The following NPHS1 variants were observed in gnomAD, a reference collection of about 807,000 sequenced individuals.
The protein encoded by NPHS1 is NPHS1 adhesion molecule, nephrin, also known as nephrin.
NPHS1 carries 107 observed loss-of-function variants against 139.7 expected under a neutral mutation model. The ratio of observed to expected loss-of-function variants is 0.77; its 90% CI spans 0.66 to 0.90. The LOEUF (loss-of-function observed/expected upper bound fraction) is 0.90. Ranked by LOEUF, NPHS1 falls within the 40% of genes least tolerant of loss-of-function variation. NPHS1 has a pLI of 0.00. For synonymous variants in NPHS1, 707 were observed against 706.6 expected (o/e 1.00, Z -0.01); for missense variants, 1,580 against 1,654.2 (o/e 0.96, Z 0.78).
chr19:35,827,314 T>C (rs1029947127), intron 28 of NPHS1, among the ~76,000 whole-genome samples: 3 of 151,876 alleles, frequency 2.0e-5, no homozygotes, highest in Non-Finnish European at 2.9e-5. Context: ...TTTAAAGAAA[T>C]TAGCTAGGTG....
chr19:35,846,102 T>C lies in NPHS1; in HGVS notation c.1533A>G (p.Arg511=). 4 of 1,596,904 alleles carry C rather than the reference T, an allele frequency of 2.5e-6. No individual in the cohort carries two copies. The highest frequency in any genetic ancestry group is 3.4e-6 in the Non-Finnish European group (4 of 1,172,450). The change falls in exon 12 of 29, where the codon CGA becomes CGG. Residue 511 remains arginine, a synonymous_variant. Transcript: ENST00000378910. ...SVEKSGSTFS[R]ELVLVTGPSD... ...ACGGCCCTGTGACCAGCACCAGCTC[T>C]CGGGAGAAGGTGCTCCCAGATTTCT...
Position 35,844,424 on chromosome 19 carries a change from C to G in NPHS1, c.1966G>C (p.Val656Leu), listed in dbSNP as rs202032922. The G allele has an allele frequency of 1.6e-4, 263 of 1,599,948 alleles. No individual in the cohort carries two copies. The highest frequency in any genetic ancestry group is 2.1e-4 in the Non-Finnish European group (251 of 1,174,050). Reference sequence around the variant, plus strand: ...GCCTCGCCCTGCTCCACCGCGGTCACCACCAGCACCTGCTCCCCCAGGAAC... The same window carrying G: ...GCCTCGCCCTGCTCCACCGCGGTCAGCACCAGCACCTGCTCCCCCAGGAAC... The part of the protein sequence containing the change: ...PEFLGEQVLV[V>L]TAVEQGEALL... Residue 656 changes from valine (V) to leucine (L), a missense_variant, in exon 15 of 29, where the codon GTG becomes CTG. Physicochemically the swap from Val to Leu is conservative, Grantham distance 32 (BLOSUM62 1). Transcript: ENST00000378910.
rs752491418 is a variant in NPHS1 at position 35,842,308 on chromosome 19, G to C, written c.2507-28C>G. The C allele has an allele frequency of 7.4e-6, 12 of 1,612,152 alleles. 1 individual carries two copies. Among genetic ancestry groups the C allele is most frequent in the Non-Finnish European group, 1.0e-5 (12 of 1,179,994 alleles). On this transcript the variant is annotated intron_variant, in intron 18 of 28. Transcript: ENST00000378910. ...GGGAGGGGATGGGCAGTCAACATGA[G>C]CTATGTGGGAGACATGAGGGCTGTG...
At chr19:35,843,438 C>T in intron 17 of NPHS1, 34 bp downstream of exon 17, 2 of 1,613,336 alleles carry the variant, frequency 1.2e-6, no homozygotes, top group Middle Eastern at 1.7e-4. Context: ...AACCCCTTGA[C>T]CCCACCTCTA....
At chr19:35,848,824 C>G (rs1286523882) in intron 8 of NPHS1, 30 bp from the exon 9 acceptor site, 1 of 1,614,030 alleles carries the variant, frequency 6.2e-7, no homozygotes, top group African/African-American at 1.3e-5. Context: ...AGACACTAAG[C>G]TGGGCTGGAT....
At chr19:35,846,757 T>G (rs556052463) in intron 11 of NPHS1, among the ~76,000 whole-genome samples, 5 of 152,194 alleles carry the variant, frequency 3.3e-5, no homozygotes, top group Non-Finnish European at 7.3e-5. Context: ...TATCTTATGA[T>G]CCCAGTCTTT....
chr19:35,844,427 C>A lies in NPHS1; in HGVS notation c.1963G>T (p.Val655Leu). 1.9e-6 allele frequency: 3 copies of A among 1,597,564 alleles called. No individual in the cohort carries two copies. The highest frequency in any genetic ancestry group is 1.7e-6 in the Non-Finnish European group (2 of 1,172,846). Reference sequence around the variant, plus strand: ...TCGCCCTGCTCCACCGCGGTCACCACCAGCACCTGCTCCCCCAGGAACTCT... The same window carrying A: ...TCGCCCTGCTCCACCGCGGTCACCAACAGCACCTGCTCCCCCAGGAACTCT... ...RPEFLGEQVL[V>L]VTAVEQGEAL... Residue 655 changes from valine to leucine, a missense_variant, in exon 15 of 29, where the codon GTG becomes TTG. Coordinates refer to ENST00000378910, the MANE Select transcript of NPHS1 (RefSeq NM_004646.4).
chr19:35,851,103 G>C lies in NPHS1; in HGVS notation c.398-14C>G. 1 of 1,614,106 alleles carries C rather than the reference G, an allele frequency of 6.2e-7. No individual in the cohort carries two copies. Among genetic ancestry groups the C allele is most frequent in the Non-Finnish European group, 8.5e-7 (1 of 1,180,018 alleles). On this transcript the variant is annotated splice_polypyrimidine_tract_variant and intron_variant, in intron 3 of 28. Coordinates refer to ENST00000378910, the MANE Select transcript of NPHS1 (RefSeq NM_004646.4). ...GCTTGGGAGGAACTGGTGAGAGAAG[G>C]GTCTGGGGTAAGCTTCCAGCACTGA...
Position 35,845,992 on chromosome 19 carries a change from C to A in NPHS1, c.1627+16G>T. The A allele has an allele frequency of 6.4e-7, 1 of 1,562,462 alleles. No homozygotes were observed. The highest frequency in any genetic ancestry group is 8.7e-7 in the Non-Finnish European group (1 of 1,153,348). On this transcript the variant is annotated intron_variant, in intron 12 of 28. Coordinates refer to ENST00000378910, the MANE Select transcript of NPHS1 (RefSeq NM_004646.4). This position sits in a 1 kb window ranked among gnomAD's most constrained non-coding sequence, Gnocchi z 5.5. ...CTCCCGCCCCGCCCCCGGGCCTCAG[C>A]AGTGCGAGCCCTCACACTGCACCGC...
At chr19:35,840,586 G>A (rs550145198) in intron 20 of NPHS1, among the ~76,000 whole-genome samples, 38 of 151,798 alleles carry the variant, frequency 2.5e-4, no homozygotes, top group African/African-American at 8.7e-4. Flanking sequence ...CACCCGCCTC[G>A]GCCTCCCAAA....
intron 9 of NPHS1, 84 bp from the exon 10 acceptor site, chr19:35,848,481 C>G: frequency 1.3e-6 from 2 of 1,598,580 alleles, no homozygotes; most frequent in South Asian, 2.2e-5. Context: ...CAGTCCCCAG[C>G]AGGGACACAG....
In NPHS1 at chr19:35,833,648, G is replaced by A. The variant is rs371821456; in HGVS notation, c.3167-1886C>T. 5.3e-5 allele frequency among the ~76,000 whole-genome samples: 8 copies of A among 152,200 alleles called. No homozygotes were observed. The South Asian group carries it at 1.5e-3, about 28-fold the overall frequency. On this transcript the variant is annotated intron_variant, in intron 23 of 28. Coordinates refer to ENST00000378910, the MANE Select transcript of NPHS1 (RefSeq NM_004646.4). ...AACAGATCGCTGGTGAGATTTTTGA[G>A]CACCTGAAAGTGGCCACACTTGGAA...
Position 35,834,996 on chromosome 19 carries a change from G to A in NPHS1, c.3166+709C>T, listed in dbSNP as rs555380013. Among the ~76,000 whole-genome samples, 51 of 151,614 alleles carry A rather than the reference G, an allele frequency of 3.4e-4. No homozygotes were observed. In the East Asian group the frequency reaches 6.7e-3, roughly 20 times the overall value. ...GCAGATCACTTGAGGTCGGGAGTTCGAGACCAGCCTGGCCAACATGGTGAA... is the reference window on the plus strand; with the variant it reads ...GCAGATCACTTGAGGTCGGGAGTTCAAGACCAGCCTGGCCAACATGGTGAA... On this transcript the variant is annotated intron_variant, in intron 23 of 28. Coordinates refer to ENST00000378910, the MANE Select transcript of NPHS1 (RefSeq NM_004646.4).
intron 20 of NPHS1, among the ~76,000 whole-genome samples, chr19:35,839,881 A>C (rs563294103): frequency 3.9e-5 from 6 of 152,210 alleles, no homozygotes; most frequent in Non-Finnish European, 7.3e-5. Context: ...CTCAAATTAA[A>C]CATTAAAATA....
chr19:35,829,415 G>A (rs1972844247), intron 28 of NPHS1, among the ~76,000 whole-genome samples: 1 of 152,174 alleles, frequency 6.6e-6, no homozygotes, highest in Non-Finnish European at 1.5e-5. Context: ...CTCTCAGGCT[G>A]GAATGCAGTG....
chr19:35,844,062 T>C (rs1973098942), intron 16 of NPHS1, 41 bp downstream of exon 16: 3 of 1,600,682 alleles, frequency 1.9e-6, no homozygotes, highest in South Asian at 2.2e-5. Flanking sequence ...ATGGGCAAGG[T>C]TCCTTGGGTG....
chr19:35,848,170 C>A lies in NPHS1; in HGVS notation c.1316-5G>T, dbSNP rs370099078. The A allele has an allele frequency of 1.9e-6, 3 of 1,613,794 alleles. No homozygotes were observed. Among genetic ancestry groups the A allele is most frequent in the African/African-American group, 2.7e-5 (2 of 74,910 alleles). On this transcript the variant is annotated splice_region_variant and splice_polypyrimidine_tract_variant and intron_variant, in intron 10 of 28. Transcript: ENST00000378910. Reference sequence around the variant, plus strand: ...TCCACAGTTTCTGGGCGGGATCTGGCGGGGAGAGGAAGGAAGAATGACTTT... The same window carrying A: ...TCCACAGTTTCTGGGCGGGATCTGGAGGGGAGAGGAAGGAAGAATGACTTT...
At position 35,839,372 on chromosome 19, in the gene NPHS1, G is replaced by A; in HGVS notation, c.2974C>T (p.Pro992Ser). ...AGCGTGAAGGTGGTGGCCTGGGGTG[G>A]TACGACATCCACATAGTGGAACCCT... The part of the protein sequence containing the change: ...TPGFHYVDVV[P>S]PQATTFTLTG... The change falls in exon 22 of 29, where the codon CCA becomes TCA. Residue 992 changes from proline (P) to serine (S), a missense_variant. Coordinates refer to ENST00000378910, the MANE Select transcript of NPHS1 (RefSeq NM_004646.4). The A allele has an allele frequency of 6.2e-7, 1 of 1,614,160 alleles. No homozygotes were observed. Among genetic ancestry groups the A allele is most frequent in the South Asian group, 1.1e-5 (1 of 91,080 alleles).
rs918596654 is a variant in NPHS1, at chr19:35,852,070, CT to C, written c.-234del. Among the ~76,000 whole-genome samples, 4 of 150,338 alleles carry C rather than the reference CT, an allele frequency of 2.7e-5. No individual in the cohort carries two copies. The highest frequency in any genetic ancestry group is 1.9e-4 in the East Asian group (1 of 5,158). ...CTCTTTCTCTGTCTCTTTAAAAAAA[CT>C]TTTTTTTCTTTTTTCTTTTTTTTTT... On this transcript the variant is annotated 5_prime_UTR_variant, in exon 1 of 29. Coordinates refer to ENST00000378910, the MANE Select transcript of NPHS1 (RefSeq NM_004646.4).
Sources: allele counts gnomAD v4.1 joint callset (sites outside exome capture counted in the v4.1 genomes callset), GRCh38; gene constraint gnomAD v4.1.1; non-coding constraint Gnocchi (gnomAD v3.1); transcripts MANE v1.5; gene names NCBI Gene and HGNC (gene_info 2026-07-23, HGNC 2026-07-21).